The following CPLANE1 variants were observed in gnomAD, a reference collection of about 807,000 sequenced individuals.
CPLANE1 encodes the protein ciliogenesis and planar polarity effector 1.
CPLANE1 carries 263 observed loss-of-function variants against 362.5 expected under a neutral mutation model. The observed-to-expected ratio is 0.73, with a 90% CI of 0.66 to 0.80. The LOEUF (loss-of-function observed/expected upper bound fraction) is 0.80, where lower values mean the gene tolerates loss of function less well. Among genes scored for constraint, CPLANE1 ranks in the 30% least tolerant of loss-of-function variants. The pLI, the probability that CPLANE1 is intolerant of heterozygous loss-of-function variation, is 0.00. For synonymous variants in CPLANE1, 1,212 were observed against 1,302.6 expected, an observed-to-expected ratio of 0.93 and a Z score of 1.50; for missense variants, 3,461 against 3,793.4, an observed-to-expected ratio of 0.91 and a Z score of 2.30.
intron 20 of CPLANE1, among the ~76,000 whole-genome samples, chr5:37,196,966 A>T (rs949602946): frequency 2.6e-5 from 4 of 152,052 alleles, no homozygotes; most frequent in African/African-American, 9.7e-5. Flanking sequence ...TTGAACTCCA[A>T]TCTATTTAAA....
At chr5:37,175,349 C>T (rs990498242) in intron 31 of CPLANE1, among the ~76,000 whole-genome samples, 14 of 152,170 alleles carry the variant, frequency 9.2e-5, no homozygotes, top group Non-Finnish European at 1.6e-4. Context: ...CTCATGCAGA[C>T]GCAACAACAT....
At chr5:37,098,390 C>CA in the CPLANE1 span, among the ~76,000 whole-genome samples, 5,985 of 35,870 alleles carry the variant, frequency 0.17, 582 homozygotes, top group Non-Finnish European at 0.25. Flanking sequence ...AACTCCGTCT[C>CA]AAAAAAAAAA....
rs1383855060 is a variant in CPLANE1, at chr5:37,174,086, C to T, written c.5979-139G>A. The T allele has an allele frequency of 3.4e-5, 25 of 741,048 alleles. No homozygotes were observed. The East Asian group carries it at 6.3e-4, about 19-fold the overall frequency. The allele number at this position is 741,048 out of a possible 1,614,324, so 45.9% of individuals were successfully genotyped here. ...TCTAGTAGTTTTCTAGAAATTTAAA[C>T]CCTAAAGCCTTTCTCTCTAGTGCCC... On this transcript the variant is annotated intron_variant, in intron 31 of 52. Transcript: ENST00000651892.
At chr5:37,116,489 A>C (rs950595438) in intron 50 of CPLANE1, among the ~76,000 whole-genome samples, 34 of 139,822 alleles carry the variant, frequency 2.4e-4, no homozygotes, top group African/African-American at 8.6e-4. Flanking sequence ...CTGCCTCAAA[A>C]AAAAAAAAAA....
chr5:37,224,186 A>T lies in CPLANE1; in HGVS notation c.2581+67T>A, dbSNP rs527638427. 2.0e-4 allele frequency: 207 copies of T among 1,025,168 alleles called. 1 individual carries two copies. The African/African-American group carries it at 3.1e-3, about 15-fold the overall frequency. The allele number at this position is 1,025,168 out of a possible 1,614,324, so 63.5% of individuals were successfully genotyped here. ...TTTTTTGGAATTTAGAATTACTGTTAAGGTCTACAGCAAGCTAAAAGGAGT... is the reference window on the plus strand; with the variant it reads ...TTTTTTGGAATTTAGAATTACTGTTTAGGTCTACAGCAAGCTAAAAGGAGT... On this transcript the variant is annotated intron_variant, in intron 14 of 52. Coordinates refer to ENST00000651892, the MANE Select transcript of CPLANE1 (RefSeq NM_001384732.1).
chr5:37,138,465 T>G, intron 46 of CPLANE1: 1 of 582,524 alleles, frequency 1.7e-6, no homozygotes, highest in Non-Finnish European at 3.2e-6. Flanking sequence ...CATTAATTAC[T>G]TCTAGTAAGA....
intron 19 of CPLANE1, 36 bp from the exon 20 acceptor site, chr5:37,198,902 T>C: frequency 6.3e-6 from 10 of 1,590,576 alleles, no homozygotes; most frequent in Middle Eastern, 1.7e-4. Flanking sequence ...TAGTGGCTAG[T>C]AATGAGAAAA....
intron 37 of CPLANE1, among the ~76,000 whole-genome samples, chr5:37,163,253 C>CA (rs1405449002): frequency 6.6e-6 from 1 of 152,012 alleles, no homozygotes; most frequent in Non-Finnish European, 1.5e-5. Flanking sequence ...TTAAGAATTA[C>CA]AAAGGAAGCA....
intron 30 of CPLANE1, 96 bp downstream of exon 30, chr5:37,177,525 A>C: frequency 3.6e-6 from 3 of 838,142 alleles, no homozygotes; most frequent in South Asian, 3.2e-5. Context: ...ACACAATACC[A>C]CCCTAAATCA....
At chr5:37,205,836 C>T (rs2150123229) in intron 17 of CPLANE1, among the ~76,000 whole-genome samples, 1 of 152,302 alleles carries the variant, frequency 6.6e-6, no homozygotes, top group South Asian at 2.1e-4. Context: ...ACCTCAGCCT[C>T]CCAAGTAGTT....
At chr5:37,110,445 TTC>T (rs1401522959) in intron 51 of CPLANE1, among the ~76,000 whole-genome samples, 3 of 152,326 alleles carry the variant, frequency 2.0e-5, no homozygotes, top group South Asian at 2.1e-4. Context: ...CAACATCACC[TTC>T]TCTTTTTCTA....
chr5:37,163,030 T>C (rs1561455598), intron 37 of CPLANE1, among the ~76,000 whole-genome samples: 1 of 152,176 alleles, frequency 6.6e-6, no homozygotes, highest in Non-Finnish European at 1.5e-5. Context: ...CTCAAAGACA[T>C]GGTAGAATCA....
Position 37,108,154 on chromosome 5 carries a change from G to A in CPLANE1, c.9579+139C>T, listed in dbSNP as rs77302579. The A allele has an allele frequency of 0.018, 13,762 of 777,896 alleles. 175 individuals are homozygous for A. Among genetic ancestry groups the A allele is most frequent in the Non-Finnish European group, 0.024 (11,794 of 487,374 alleles). The allele number at this position is 777,896 out of a possible 1,614,324, so 48.2% of individuals were successfully genotyped here. On this transcript the variant is annotated intron_variant, in intron 52 of 52. Transcript: ENST00000651892. Reference sequence around the variant, plus strand: ...CAAAAGGGAAGATGCTTTGCATCACGATTTCAAACTGACCTAACAACTTTT... The same window carrying A: ...CAAAAGGGAAGATGCTTTGCATCACAATTTCAAACTGACCTAACAACTTTT...
At chr5:37,232,693 A>G (rs913404942) in intron 8 of CPLANE1, among the ~76,000 whole-genome samples, 1 of 151,588 alleles carries the variant, frequency 6.6e-6, no homozygotes, top group Non-Finnish European at 1.5e-5. Context: ...ACAAAAAAAC[A>G]GTCGTGGTGG....
intron 23 of CPLANE1, 133 bp from the exon 24 acceptor site, chr5:37,186,527 C>G: frequency 1.7e-6 from 1 of 589,380 alleles, no homozygotes. Flanking sequence ...AGGTCAAAGC[C>G]TCTCTCTGAG....
the CPLANE1 span, among the ~76,000 whole-genome samples, chr5:37,093,356 C>A: frequency 6.6e-6 from 1 of 152,190 alleles, no homozygotes; most frequent in Admixed American, 6.5e-5. Flanking sequence ...AATTAAGCTG[C>A]AACTGGGAGC....
At chr5:37,157,931 C>A in intron 39 of CPLANE1, 63 bp from the exon 40 acceptor site, 1 of 137,398 alleles carries the variant, frequency 7.3e-6, no homozygotes, top group Non-Finnish European at 1.2e-5. Context: ...GGTCACTCCG[C>A]CAAAAAAAAA....
In CPLANE1 at chr5:37,241,028, C is replaced by T. The variant is rs556381290; in HGVS notation, c.678-1159G>A. Among the ~76,000 whole-genome samples the T allele has an allele frequency of 1.1e-3, 164 of 150,888 alleles. 1 individual carries two copies. Among genetic ancestry groups the T allele is most frequent in the African/African-American group, 3.9e-3 (158 of 40,990 alleles). ...GTGCGCACCTGTAGTGTCAGCTACT[C>T]GGGAGGCTGAGGCAGAAGAATCGCT... is the stretch of plus-strand genomic sequence containing the variant. On this transcript the variant is annotated intron_variant, in intron 6 of 52. Transcript: ENST00000651892.
chr5:37,096,850 T>C, the CPLANE1 span, among the ~76,000 whole-genome samples: 1 of 151,868 alleles, frequency 6.6e-6, no homozygotes, highest in East Asian at 1.9e-4. Context: ...AGAAGCACAA[T>C]GCGATACCAC....
Sources: gnomAD v4.1 joint callset for allele counts (sites outside exome capture counted in the v4.1 genomes callset) on GRCh38, gnomAD v4.1.1 for gene constraint, MANE v1.5 for transcripts, NCBI Gene and HGNC (gene_info 2026-07-23, HGNC 2026-07-21) for gene names.